LRATD1: variants seen among roughly 807,000 people sequenced by gnomAD.
The protein encoded by LRATD1 is protein LRATD1.
In LRATD1, 8 loss-of-function variants were observed where a neutral mutation model predicts 21.3. The ratio of observed to expected loss-of-function variants is 0.38; its 90% CI spans 0.22 to 0.68. The LOEUF is 0.68. Ranked by LOEUF, LRATD1 falls within the 30% of genes least tolerant of loss-of-function variation. The probability of loss-of-function intolerance (pLI) is 0.54; values close to 1 mark genes in which losing one functional copy is unlikely to be tolerated. For missense variants in LRATD1, 380 were observed against 404.0 expected (o/e 0.94, Z 0.51); for synonymous variants, 210 against 186.2 (o/e 1.13, Z -1.04).
intron 4 of LRATD1, among the ~76,000 whole-genome samples, chr2:14,648,118 A>G (rs1671926558): frequency 6.6e-6 from 1 of 152,146 alleles, no homozygotes; most frequent in Non-Finnish European, 1.5e-5. Flanking sequence ...TATAAAAGTT[A>G]TGTTTTTATT....
rs779964263 is a variant in LRATD1 at position 14,634,390 on chromosome 2, G to T, written c.411G>T (p.Pro137=). Residue 137 remains proline (P), a synonymous_variant, in exon 2 of 2, where the codon CCG becomes CCT. Coordinates refer to ENST00000295092, the MANE Select transcript of LRATD1 (RefSeq NM_145175.4). ...ELLWLQPAPE[P]PAPAPHWAVY... is the part of the protein sequence containing the mutation. ...TGTGGCTGCAGCCCGCGCCGGAGCCGCCCGCGCCCGCCCCGCACTGGGCCG... is the reference window on the plus strand; with the variant it reads ...TGTGGCTGCAGCCCGCGCCGGAGCCTCCCGCGCCCGCCCCGCACTGGGCCG... The T allele has an allele frequency of 2.0e-6, 3 of 1,537,314 alleles. No individual in the cohort carries two copies. Among genetic ancestry groups the T allele is most frequent in the Non-Finnish European group, 8.7e-7 (1 of 1,145,484 alleles).
chr2:14,640,103 C>T (rs548870121), downstream of LRATD1: 1 of 166,918 alleles, frequency 6.0e-6, no homozygotes, highest in South Asian at 2.1e-4. Context: ...AAAATAGTTC[C>T]AACTGTAACT....
downstream of LRATD1, among the ~76,000 whole-genome samples, chr2:14,641,297 G>A (rs1671801522): frequency 6.6e-6 from 1 of 152,240 alleles, no homozygotes; most frequent in African/African-American, 2.4e-5. Context: ...CCTCAGAAGA[G>A]TTCACAGCCC....
rs1474964871 is a variant in LRATD1 at position 14,635,056 on chromosome 2, G to T, written c.*198G>T. The stretch of plus-strand genomic sequence containing the variant: ...AAGTCTCAGGAACTGCCCCAGGGCC[G>T]AAAGGGCGCCGCTGCGAGCGCCTGG... On this transcript the variant is annotated 3_prime_UTR_variant, in exon 2 of 2. Transcript: ENST00000295092. 8.4e-6 allele frequency: 7 copies of T among 831,438 alleles called. No individual in the cohort carries two copies. In the Admixed American group the frequency reaches 1.0e-4, roughly 12 times the overall value. The allele number at this position is 831,438 out of a possible 1,614,324, so 51.5% of individuals were successfully genotyped here.
chr2:14,633,789 TG>T lies in LRATD1; in HGVS notation c.-36-151del. ...GCGGCTTCTCCGCCCCTCGTACCCC[TG>T]GGGAGGCACGGAGGACTCGGCTGGA... On this transcript the variant is annotated intron_variant, in intron 1 of 1. Transcript: ENST00000295092. The surrounding 1 kb of genome is among the most constrained non-coding windows in gnomAD (Gnocchi z 7.5). The T allele has an allele frequency of 1.4e-6, 1 of 722,258 alleles. No homozygotes were observed. The highest frequency in any genetic ancestry group is 2.2e-6 in the Non-Finnish European group (1 of 445,098). 44.7% of individuals were successfully genotyped at this position (722,258 alleles called of 1,614,324 possible).
chr2:14,634,313 G>A lies in LRATD1; in HGVS notation c.334G>A (p.Ala112Thr). Residue 112 changes from alanine to threonine, a missense_variant, in exon 2 of 2, where the codon GCG becomes ACG. By Grantham distance (58) the Ala-to-Thr change is moderately conservative. Coordinates refer to ENST00000295092, the MANE Select transcript of LRATD1 (RefSeq NM_145175.4). ...TCAGGGCGCCGACCTAAGCGTCTAC[G>A]CGGTCACCGCGCTGCCAGCGCTCTG... ...GPQGADLSVY[A>T]VTALPALCEP... 6.3e-7 allele frequency: 1 copy of A among 1,596,830 alleles called. No individual in the cohort carries two copies. The highest frequency in any genetic ancestry group is 8.5e-7 in the Non-Finnish European group (1 of 1,175,958).
exon 6 of LRATD1, chr2:14,649,591 T>A: frequency 3.1e-6 from 1 of 326,312 alleles, no homozygotes; most frequent in South Asian, 2.6e-5. Flanking sequence ...CAGCCTCTTG[T>A]CCTCTGGATA....
rs1466548497 is a variant in LRATD1, at chr2:14,635,394, GAAT to G, written c.*540_*542del. The G allele has an allele frequency of 2.1e-6, 1 of 472,356 alleles. No individual in the cohort carries two copies. Among genetic ancestry groups the G allele is most frequent in the South Asian group, 1.5e-5 (1 of 64,582 alleles). 29.3% of individuals were successfully genotyped at this position (472,356 alleles called of 1,614,324 possible). ...TCGAGCCTGTCCCTTGTGCACTTGGGAATAATTCCCCAAGACAGCACTTCGGGA... is the reference window on the plus strand; with the variant it reads ...TCGAGCCTGTCCCTTGTGCACTTGGGAATTCCCCAAGACAGCACTTCGGGA... On this transcript the variant is annotated 3_prime_UTR_variant, in exon 2 of 2. Coordinates refer to ENST00000295092, the MANE Select transcript of LRATD1 (RefSeq NM_145175.4).
chr2:14,645,501 CT>C (rs1379225678), intron 2 of LRATD1, among the ~76,000 whole-genome samples: 1 of 152,134 alleles, frequency 6.6e-6, no homozygotes, highest in African/African-American at 2.4e-5. Flanking sequence ...TTTAAAAATG[CT>C]AGACGGAATC....
chr2:14,640,679 A>G (rs1370931558), downstream of LRATD1, among the ~76,000 whole-genome samples: 1 of 152,164 alleles, frequency 6.6e-6, no homozygotes, highest in Non-Finnish European at 1.5e-5. Flanking sequence ...AAATTCAGTT[A>G]TTTTCCCTGT....
chr2:14,643,710 A>G (rs914071666), downstream of LRATD1, among the ~76,000 whole-genome samples: 4 of 152,110 alleles, frequency 2.6e-5, no homozygotes, highest in East Asian at 5.8e-4. Flanking sequence ...ACCCCCTACA[A>G]AAACAGCTAA....
At position 14,639,555 on chromosome 2, in the gene LRATD1, G is replaced by T. The variant is rs1183198963; in HGVS notation, c.*4697G>T. ...TAACTCAAAGTTTACCTTTGAGGTT[G>T]TATGTTTACCTCATTTGAACTCGAA... is the stretch of plus-strand genomic sequence containing the variant. On this transcript the variant is annotated 3_prime_UTR_variant, in exon 2 of 2. Transcript: ENST00000295092. 3.6e-5 allele frequency: 6 copies of T among 166,982 alleles called. No individual in the cohort carries two copies. Among genetic ancestry groups the T allele is most frequent in the African/African-American group, 1.4e-4 (6 of 41,422 alleles). The allele number at this position is 166,982 out of a possible 1,614,324, so 10.3% of individuals were successfully genotyped here.
At chr2:14,650,194 G>C (rs954833426), downstream of LRATD1, 7 of 152,122 alleles carry the variant, frequency 4.6e-5, no homozygotes, top group African/African-American at 1.7e-4. Context: ...TCTCACTGTA[G>C]CATTCCACCT....
At position 14,635,636 on chromosome 2, in the gene LRATD1, G is replaced by T. The variant is rs1289900552; in HGVS notation, c.*778G>T. On this transcript the variant is annotated 3_prime_UTR_variant, in exon 2 of 2. Coordinates refer to ENST00000295092, the MANE Select transcript of LRATD1 (RefSeq NM_145175.4). Reference sequence around the variant, plus strand: ...CCGGTCCCGGGAGGAAGATGGCGCTGCGAATTCGGTGAGGACAGCCGGCCC... The same window carrying T: ...CCGGTCCCGGGAGGAAGATGGCGCTTCGAATTCGGTGAGGACAGCCGGCCC... 1 of 470,716 alleles carries T rather than the reference G, an allele frequency of 2.1e-6. No homozygotes were observed. The highest frequency in any genetic ancestry group is 2.3e-5 in the Admixed American group (1 of 42,584). The allele number at this position is 470,716 out of a possible 1,614,324, so 29.2% of individuals were successfully genotyped here. A position where few individuals can be genotyped will look rare whatever the true frequency, so the allele number is the denominator to read the frequency against.
chr2:14,648,126 A>G (rs1671926669), intron 4 of LRATD1, among the ~76,000 whole-genome samples: 1 of 152,130 alleles, frequency 6.6e-6, no homozygotes, highest in South Asian at 2.1e-4. Flanking sequence ...TTATGTTTTT[A>G]TTTGTGTCTT....
chr2:14,651,638 G>C (rs982575096), downstream of LRATD1, among the ~76,000 whole-genome samples: 7 of 152,102 alleles, frequency 4.6e-5, 1 homozygote, highest in African/African-American at 1.4e-4. Context: ...CTAAATACCA[G>C]GGAGTTTGAG....
At chr2:14,643,522 G>A (rs1472206506), downstream of LRATD1, among the ~76,000 whole-genome samples, 1 of 152,102 alleles carries the variant, frequency 6.6e-6, no homozygotes, top group Non-Finnish European at 1.5e-5. Flanking sequence ...ATCTGTACTG[G>A]ACCACCTACC....
In LRATD1 at chr2:14,636,298, AG is replaced by A. The variant is rs1029433836; in HGVS notation, c.*1442del. 19 of 167,268 alleles carry A rather than the reference AG, an allele frequency of 1.1e-4. No homozygotes were observed. The highest frequency in any genetic ancestry group is 3.8e-4 in the African/African-American group (16 of 41,574). The allele number at this position is 167,268 out of a possible 1,614,324, so 10.4% of individuals were successfully genotyped here. On this transcript the variant is annotated 3_prime_UTR_variant, in exon 2 of 2. Transcript: ENST00000295092. ...GTGGAAATTGGTGGAAATTGCTAGC[AG>A]GTTCCACGATGTTTATTTTTTTCTC...
chr2:14,643,561 C>T (rs573607461), downstream of LRATD1, among the ~76,000 whole-genome samples: 2 of 152,332 alleles, frequency 1.3e-5, no homozygotes, highest in African/African-American at 4.8e-5. Context: ...AGTTGTATGC[C>T]TTTGCTCAAG....
Sources: allele counts gnomAD v4.1 joint callset (sites outside exome capture counted in the v4.1 genomes callset), GRCh38; gene constraint gnomAD v4.1.1; non-coding constraint Gnocchi (gnomAD v3.1); transcripts MANE v1.5; gene names NCBI Gene and HGNC (gene_info 2026-07-23, HGNC 2026-07-21).